PIK3C3: variants seen among roughly 807,000 people sequenced by gnomAD.
The protein encoded by PIK3C3 is PI3-kinase type 3.
Under a neutral mutation model 126.1 loss-of-function variants are expected in PIK3C3, and 95 were observed. The ratio of observed to expected loss-of-function variants is 0.75; its 90% CI spans 0.64 to 0.89. The LOEUF (loss-of-function observed/expected upper bound fraction) is 0.89, where lower values mean the gene tolerates loss of function less well. PIK3C3 is among the 40% of genes least tolerant of loss of function. PIK3C3 has a pLI of 0.00. For missense variants in PIK3C3, 829 were observed against 1,063.2 expected (o/e 0.78, Z 3.06); for synonymous variants, 374 against 360.0 (o/e 1.04, Z -0.44).
At position 41,996,982 on chromosome 18, in the gene PIK3C3, A is replaced by G. The variant is rs113057901; in HGVS notation, c.984+252A>G. Among the ~76,000 whole-genome samples the G allele has an allele frequency of 2.2e-3, 333 of 152,246 alleles. 2 individuals are homozygous for G. Among genetic ancestry groups the G allele is most frequent in the Non-Finnish European group, 3.5e-3 (240 of 67,996 alleles). Reference sequence around the variant, plus strand: ...GAGAGACTTGGGTTCGTTTTCCAGAAGTACATTTTACGTTTGTTTGGTAGG... The same window carrying G: ...GAGAGACTTGGGTTCGTTTTCCAGAGGTACATTTTACGTTTGTTTGGTAGG... On this transcript the variant is annotated intron_variant, in intron 9 of 24. Transcript: ENST00000262039.
rs139570640 is a variant in PIK3C3 at position 42,068,283 on chromosome 18, C to G, written c.2649+770C>G. On this transcript the variant is annotated intron_variant, in intron 24 of 24. Transcript: ENST00000262039. Reference sequence around the variant, plus strand: ...TGTGTGCAGTTTCCTCATTGCCTAACAGCGAAGTCAAATCTCTGGCAACTT... The same window carrying G: ...TGTGTGCAGTTTCCTCATTGCCTAAGAGCGAAGTCAAATCTCTGGCAACTT... Among the ~76,000 whole-genome samples, 434 of 152,292 alleles carry G rather than the reference C, an allele frequency of 2.8e-3. 9 individuals carry two copies. The highest frequency in any genetic ancestry group is 3.6e-3 in the Non-Finnish European group (243 of 68,030).
intron 4 of PIK3C3, among the ~76,000 whole-genome samples, chr18:41,980,022 G>A (rs941741234): frequency 1.3e-5 from 2 of 152,000 alleles, no homozygotes; most frequent in Non-Finnish European, 2.9e-5. Context: ...AATAAATTAT[G>A]TGAAATAATG....
chr18:41,990,506 A>G lies in PIK3C3; in HGVS notation c.666A>G (p.Arg222=). ...TCATGTACCTGATGGTTGAATTTCG[A>G]TGTGTCAAGTGTGATGATAAGGAAT... is the stretch of plus-strand genomic sequence containing the variant. ...SNFMYLMVEF[R]CVKCDDKEYG... Residue 222 remains arginine (R), a synonymous_variant, in exon 6 of 25, where the codon CGA becomes CGG. Transcript: ENST00000262039. 6.2e-7 allele frequency: 1 copy of G among 1,604,156 alleles called. No homozygotes were observed. The highest frequency in any genetic ancestry group is 8.5e-7 in the Non-Finnish European group (1 of 1,171,626).
At chr18:42,050,727 CAA>C (rs1479569091) in intron 21 of PIK3C3, 1 of 152,328 alleles carries the variant, frequency 6.6e-6, no homozygotes, top group African/African-American at 2.4e-5. Flanking sequence ...TTGAAGCAAA[CAA>C]TATATGTTGC....
intron 20 of PIK3C3, among the ~76,000 whole-genome samples, chr18:42,047,689 T>C (rs940316159): frequency 3.9e-5 from 6 of 152,202 alleles, no homozygotes; most frequent in Non-Finnish European, 7.3e-5. Flanking sequence ...AGAGAAGGCT[T>C]CTCAACCTTT....
intron 24 of PIK3C3, among the ~76,000 whole-genome samples, chr18:42,074,556 T>C (rs1369067582): frequency 6.6e-6 from 1 of 152,172 alleles, no homozygotes; most frequent in African/African-American, 2.4e-5. Flanking sequence ...TTAAGTGGCA[T>C]TTAGTATTTA....
rs180834924 is a variant in PIK3C3 at position 42,085,503 on chromosome 18, C to A, written c.*4366C>A. On this transcript the variant is annotated 3_prime_UTR_variant, in exon 25 of 25. Transcript: ENST00000262039. ...AGAAAAAGCTAATACTGATATCACA[C>A]ACTAATTGTGTATAAAACACTAGGA... The A allele has an allele frequency of 6.6e-6, 1 of 152,070 alleles. No individual in the cohort carries two copies. The highest frequency in any genetic ancestry group is 1.5e-5 in the Non-Finnish European group (1 of 67,998). 9.4% of individuals were successfully genotyped at this position (152,070 alleles called of 1,614,324 possible).
chr18:42,072,243 T>G (rs1985805258), intron 24 of PIK3C3, among the ~76,000 whole-genome samples: 1 of 152,178 alleles, frequency 6.6e-6, no homozygotes, highest in Admixed American at 6.5e-5. Context: ...TAGAACCAAC[T>G]TTTTAAAAAA....
At chr18:41,997,504 A>G (rs548462698) in intron 9 of PIK3C3, among the ~76,000 whole-genome samples, 1 of 152,246 alleles carries the variant, frequency 6.6e-6, no homozygotes, top group East Asian at 1.9e-4. Flanking sequence ...TGCCTGTATA[A>G]GCTTTAGTTT....
At position 42,081,224 on chromosome 18, in the gene PIK3C3, C is replaced by A; in HGVS notation, c.*87C>A. On this transcript the variant is annotated 3_prime_UTR_variant, in exon 25 of 25. Coordinates refer to ENST00000262039, the MANE Select transcript of PIK3C3 (RefSeq NM_002647.4). ...TGTATATTGGAGACTTCAGAGTAACCAGCAAGGAAGAGAAATCTTAATCTT... is the reference window on the plus strand; with the variant it reads ...TGTATATTGGAGACTTCAGAGTAACAAGCAAGGAAGAGAAATCTTAATCTT... 3 of 788,216 alleles carry A rather than the reference C, an allele frequency of 3.8e-6. No homozygotes were observed. Among genetic ancestry groups the A allele is most frequent in the Non-Finnish European group, 6.2e-6 (3 of 481,328 alleles). The allele number at this position is 788,216 out of a possible 1,614,324, so 48.8% of individuals were successfully genotyped here.
At position 42,085,636 on chromosome 18, in the gene PIK3C3, T is replaced by G. The variant is rs1346002464; in HGVS notation, c.*4499T>G. 6.6e-6 allele frequency: 1 copy of G among 152,232 alleles called. No individual in the cohort carries two copies. The highest frequency in any genetic ancestry group is 2.4e-5 in the African/African-American group (1 of 41,462). The allele number at this position is 152,232 out of a possible 1,614,324, so 9.4% of individuals were successfully genotyped here. On this transcript the variant is annotated 3_prime_UTR_variant, in exon 25 of 25. Transcript: ENST00000262039. ...AGTCACAGTCAATTTTCTGTTGGTC[T>G]AATTTTACCAAATAACCCCCTAAAT...
chr18:42,013,528 G>T lies in PIK3C3; in HGVS notation c.1257G>T (p.Lys419Asn). Residue 419 changes from lysine (K) to asparagine (N), a missense_variant, in exon 11 of 25, where the codon AAG becomes AAT. Lys to Asn is a moderately conservative substitution (Grantham distance 94). This residue lies in a region of PIK3C3 where 256 missense variants were observed against 291.0 expected (regional missense o/e 0.88). Coordinates refer to ENST00000262039, the MANE Select transcript of PIK3C3 (RefSeq NM_002647.4). Reference protein sequence around the residue: ...DDIKNGLEPTKKDSQSSVSEN... With the variant: ...DDIKNGLEPTNKDSQSSVSEN... The stretch of plus-strand genomic sequence containing the variant: ...TAAAGAATGGATTGGAACCTACCAA[G>T]AAGGATAGTCAGAGTTCAGTGTCAG... 1.2e-6 allele frequency: 2 copies of T among 1,602,080 alleles called. No homozygotes were observed. The highest frequency in any genetic ancestry group is 1.7e-6 in the Non-Finnish European group (2 of 1,172,452).
intron 9 of PIK3C3, among the ~76,000 whole-genome samples, chr18:41,998,915 C>G (rs906957012): frequency 7.2e-5 from 11 of 152,258 alleles, no homozygotes; most frequent in Admixed American, 6.5e-4. Flanking sequence ...GTCAGACTCT[C>G]AGAAATTATG....
intron 23 of PIK3C3, among the ~76,000 whole-genome samples, chr18:42,066,247 A>G (rs974813213): frequency 2.1e-4 from 32 of 152,164 alleles, no homozygotes; most frequent in African/African-American, 7.2e-4. Flanking sequence ...TTGTGGCTCA[A>G]GCACTCTCAG....
At chr18:41,985,103 G>T (rs552964329) in intron 4 of PIK3C3, 2 of 152,264 alleles carry the variant, frequency 1.3e-5, no homozygotes, top group South Asian at 4.1e-4. Context: ...CAAGGTGTTA[G>T]AAATGTGAGT....
At chr18:42,032,171 C>A (rs547861329) in intron 15 of PIK3C3, among the ~76,000 whole-genome samples, 1 of 152,092 alleles carries the variant, frequency 6.6e-6, no homozygotes, top group Non-Finnish European at 1.5e-5. Context: ...GAAGATTGTT[C>A]CAGCCAGAGG....
chr18:42,057,330 A>G (rs1195626246), intron 21 of PIK3C3, among the ~76,000 whole-genome samples: 1 of 152,166 alleles, frequency 6.6e-6, no homozygotes, highest in African/African-American at 2.4e-5. Context: ...CTTACATATT[A>G]GTAAAATTTA....
chr18:41,968,408 G>A (rs1019433638), intron 3 of PIK3C3, among the ~76,000 whole-genome samples: 1 of 152,172 alleles, frequency 6.6e-6, no homozygotes, highest in African/African-American at 2.4e-5. Context: ...TAAGAGACAT[G>A]TATATATGTG....
In PIK3C3 at chr18:41,955,247, T is replaced by G; in HGVS notation, c.-45T>G. 6.5e-7 allele frequency: 1 copy of G among 1,538,360 alleles called. No homozygotes were observed. The highest frequency in any genetic ancestry group is 9.0e-7 in the Non-Finnish European group (1 of 1,115,450). ...GCTGGTTCATTTATGTTGTTTTTCCTGTACCTAAGTTCCCGCTGTAGGTGG... is the reference window on the plus strand; with the variant it reads ...GCTGGTTCATTTATGTTGTTTTTCCGGTACCTAAGTTCCCGCTGTAGGTGG... On this transcript the variant is annotated 5_prime_UTR_variant, in exon 1 of 25. Transcript: ENST00000262039.
Sources: gnomAD v4.1 joint callset for allele counts (sites outside exome capture counted in the v4.1 genomes callset) on GRCh38, gnomAD v4.1.1 for gene constraint, gnomAD v4.1.1 regional missense constraint, MANE v1.5 for transcripts, NCBI Gene and HGNC (gene_info 2026-07-23, HGNC 2026-07-21) for gene names.